Variants in TNR observed in about 807,000 individuals in gnomAD.
TNR encodes the protein tenascin R, also known as tenascin-R.
A neutral mutation model predicts 150.4 loss-of-function variants in TNR; 45 were observed. The observed-to-expected ratio is 0.30, with a 90% CI of 0.24 to 0.38. The LOEUF (loss-of-function observed/expected upper bound fraction) is 0.38. Among genes scored for constraint, TNR ranks in the 10% least tolerant of loss-of-function variants. The pLI is 1.00. For synonymous variants in TNR, 687 were observed against 678.4 expected, an observed-to-expected ratio of 1.01 and a Z score of -0.20; for missense variants, 1,544 against 1,759.1, an observed-to-expected ratio of 0.88 and a Z score of 2.19.
intron 2 of TNR, among the ~76,000 whole-genome samples, chr1:175,449,084 T>C (rs1468510203): frequency 6.6e-6 from 1 of 151,794 alleles, no homozygotes; most frequent in Non-Finnish European, 1.5e-5. Flanking sequence ...TTATGGGAGG[T>C]TCTGCAAAGA....
At chr1:175,496,192 G>A (rs992014691) in intron 2 of TNR, among the ~76,000 whole-genome samples, 1 of 152,088 alleles carries the variant, frequency 6.6e-6, no homozygotes, top group Admixed American at 6.5e-5. Context: ...ACTAGAAAAT[G>A]GTATCTGTGT....
rs564702904 is a variant in TNR at position 175,469,142 on chromosome 1, G to A, written c.-64+59127C>T. ...CAGTTTGAGGCTTATTGAGTCTGACGGACCTACGAGGCTGCTGGTTGGAGA... is the reference window on the plus strand; with the variant it reads ...CAGTTTGAGGCTTATTGAGTCTGACAGACCTACGAGGCTGCTGGTTGGAGA... On this transcript the variant is annotated intron_variant, in intron 2 of 22. Coordinates refer to ENST00000367674, the MANE Select transcript of TNR (RefSeq NM_003285.3). 3.9e-3 allele frequency among the ~76,000 whole-genome samples: 589 copies of A among 152,176 alleles called. 1 individual carries two copies. The highest frequency in any genetic ancestry group is 0.016 in the South Asian group (77 of 4,814).
Position 175,337,409 on chromosome 1 carries a change from T to C in TNR, c.3534+119A>G, listed in dbSNP as rs1451802466. 1.3e-5 allele frequency: 16 copies of C among 1,192,118 alleles called. No individual in the cohort carries two copies. In the South Asian group the frequency reaches 1.8e-4, roughly 13 times the overall value. 73.8% of individuals were successfully genotyped at this position (1,192,118 alleles called of 1,614,324 possible). A position where few individuals can be genotyped will look rare whatever the true frequency, so the allele number is the denominator to read the frequency against. ...GCAATGAGGAGCCCCAAGATGGACA[T>C]GTGGGGGGTGATAAAAGGATGGCCA... On this transcript the variant is annotated intron_variant, in intron 19 of 22. Transcript: ENST00000367674.
intron 1 of TNR, among the ~76,000 whole-genome samples, chr1:175,682,227 A>G (rs1388131232): frequency 6.6e-6 from 1 of 152,188 alleles, no homozygotes; most frequent in Non-Finnish European, 1.5e-5. Flanking sequence ...CTAACTGACT[A>G]TGCTCACTTG....
chr1:175,715,670 G>A (rs1406369708), intron 1 of TNR, among the ~76,000 whole-genome samples: 1 of 152,198 alleles, frequency 6.6e-6, no homozygotes, highest in Non-Finnish European at 1.5e-5. Flanking sequence ...ATGCTCTCAT[G>A]GGGTCCCCTT....
In TNR at chr1:175,393,207, T is replaced by G. The variant is rs1050435463; in HGVS notation, c.1356+573A>C. 3.9e-5 allele frequency among the ~76,000 whole-genome samples: 6 copies of G among 152,184 alleles called. 1 individual carries two copies. On this transcript the variant is annotated intron_variant, in intron 6 of 22. Transcript: ENST00000367674. ...TACTGCTTTAGAGAGTAGAAAGGAA[T>G]CTTAGGATACTTTAAAAGTCATAGA...
At chr1:175,517,012 T>TGAGA (rs58416273) in intron 2 of TNR, among the ~76,000 whole-genome samples, 1,262 of 120,368 alleles carry the variant, frequency 0.01, 5 homozygotes, top group African/African-American at 0.019. Flanking sequence ...ATCTGAAAGC[T>TGAGA]GAGAGAGAGA....
At chr1:175,442,101 C>T (rs1372803405) in intron 2 of TNR, among the ~76,000 whole-genome samples, 1 of 152,232 alleles carries the variant, frequency 6.6e-6, no homozygotes, top group Non-Finnish European at 1.5e-5. Flanking sequence ...TTTATCTTCT[C>T]CCTAGCAGGG....
chr1:175,406,897 G>C, intron 2 of TNR, 120 bp from the exon 3 acceptor site: 3 of 703,510 alleles, frequency 4.3e-6, no homozygotes, highest in Non-Finnish European at 4.7e-6. Flanking sequence ...GGGGGCGTCA[G>C]GAAGGGACAG....
chr1:175,614,090 G>A (rs149307700), intron 1 of TNR, among the ~76,000 whole-genome samples: 4 of 152,280 alleles, frequency 2.6e-5, no homozygotes, highest in East Asian at 3.9e-4. Flanking sequence ...TAGAGATGAT[G>A]TACATAGTAG....
chr1:175,600,801 C>G (rs185130053), intron 1 of TNR, among the ~76,000 whole-genome samples: 1 of 152,202 alleles, frequency 6.6e-6, no homozygotes, highest in East Asian at 1.9e-4. Context: ...CACAGCAAAA[C>G]GAAAACAATG....
At chr1:175,347,614 G>C (rs962234439) in intron 18 of TNR, among the ~76,000 whole-genome samples, 3 of 152,060 alleles carry the variant, frequency 2.0e-5, no homozygotes, top group Non-Finnish European at 4.4e-5. Context: ...TTTTAGTAGA[G>C]ATGGGGTTTC....
intron 1 of TNR, among the ~76,000 whole-genome samples, chr1:175,726,754 C>A (rs1329515927): frequency 6.6e-6 from 1 of 152,106 alleles, no homozygotes; most frequent in Admixed American, 6.5e-5. Context: ...CAAATTATTG[C>A]AAAGACTGAG....
At chr1:175,422,987 C>T (rs761041560) in intron 2 of TNR, among the ~76,000 whole-genome samples, 19 of 152,184 alleles carry the variant, frequency 1.2e-4, no homozygotes, top group Non-Finnish European at 2.1e-4. Flanking sequence ...AACAGGTCAC[C>T]TGCTTTGGAG....
At chr1:175,359,467 G>A in intron 15 of TNR, 145 bp downstream of exon 15, 1 of 1,284,962 alleles carries the variant, frequency 7.8e-7, no homozygotes, top group Non-Finnish European at 1.1e-6. Flanking sequence ...GATATCTTGA[G>A]GGCTTCATAG....
intron 1 of TNR, among the ~76,000 whole-genome samples, chr1:175,652,057 A>C (rs979657223): frequency 6.7e-6 from 1 of 149,306 alleles, no homozygotes; most frequent in African/African-American, 2.4e-5. Flanking sequence ...TTTTAATCTG[A>C]TAAAAGCTAT....
chr1:175,422,535 G>A (rs1417427401), intron 2 of TNR, among the ~76,000 whole-genome samples: 1 of 152,194 alleles, frequency 6.6e-6, no homozygotes, highest in Non-Finnish European at 1.5e-5. Context: ...TGTGTGGGGT[G>A]GCCCCGAGAG....
At chr1:175,409,312 C>T (rs1318752400) in intron 2 of TNR, among the ~76,000 whole-genome samples, 1 of 152,094 alleles carries the variant, frequency 6.6e-6, no homozygotes, top group Non-Finnish European at 1.5e-5. Flanking sequence ...CACATAACAG[C>T]TTTTTTGCAC....
At chr1:175,712,484 T>TCCAG (rs1667044657) in intron 1 of TNR, among the ~76,000 whole-genome samples, 1 of 152,030 alleles carries the variant, frequency 6.6e-6, no homozygotes, top group Admixed American at 6.6e-5. Context: ...AGGAATAGGA[T>TCCAG]CCAGGAGTTA....
Sources: gnomAD v4.1 joint callset for allele counts (sites outside exome capture counted in the v4.1 genomes callset) on GRCh38, gnomAD v4.1.1 for gene constraint, MANE v1.5 for transcripts, NCBI Gene and HGNC (gene_info 2026-07-23, HGNC 2026-07-21) for gene names.